Variants in ALPK2 observed in about 807,000 individuals in gnomAD.
ALPK2 encodes the protein alpha-protein kinase 2.
In ALPK2, 127 loss-of-function variants were observed where a neutral mutation model predicts 163.1. That is an observed-to-expected ratio of 0.78 (90% CI 0.67 to 0.90). The LOEUF (loss-of-function observed/expected upper bound fraction) is 0.90, where lower values mean the gene tolerates loss of function less well. Among genes scored for constraint, ALPK2 ranks in the 40% least tolerant of loss-of-function variants. The pLI is 0.00. For synonymous variants in ALPK2, 953 were observed against 959.1 expected (o/e 0.99, Z 0.12); for missense variants, 2,360 against 2,589.6 (o/e 0.91, Z 1.92).
At chr18:58,554,226 T>C (rs2051777212) in intron 4 of ALPK2, among the ~76,000 whole-genome samples, 1 of 152,232 alleles carries the variant, frequency 6.6e-6, no homozygotes, top group Non-Finnish European at 1.5e-5. Flanking sequence ...CTATCGTCTT[T>C]GGGGCTGGAA....
At chr18:58,546,676 A>T (rs974814544) in intron 4 of ALPK2, among the ~76,000 whole-genome samples, 3 of 152,170 alleles carry the variant, frequency 2.0e-5, no homozygotes, top group African/African-American at 4.8e-5. Flanking sequence ...AACTATTCCA[A>T]CACAGGCGGG....
chr18:58,517,580 A>G (rs537703246), intron 8 of ALPK2, among the ~76,000 whole-genome samples: 169 of 152,292 alleles, frequency 1.1e-3, no homozygotes, highest in African/African-American at 3.3e-3. Context: ...CCTTTCTTTC[A>G]TTATTGCCCC....
intron 5 of ALPK2, among the ~76,000 whole-genome samples, chr18:58,532,513 C>T (rs1228608408): frequency 1.3e-5 from 2 of 152,126 alleles, no homozygotes; most frequent in Non-Finnish European, 2.9e-5. Flanking sequence ...ACCTTCTGGC[C>T]GAGGCCCTGA....
intron 12 of ALPK2, among the ~76,000 whole-genome samples, chr18:58,489,701 A>C (rs1161911486): frequency 6.6e-6 from 1 of 152,020 alleles, no homozygotes; most frequent in Non-Finnish European, 1.5e-5. Flanking sequence ...CAGTCATAAT[A>C]ATAATAATAT....
Position 58,536,280 on chromosome 18 carries a change from C to T in ALPK2, c.3907G>A (p.Ala1303Thr). 1 of 1,614,228 alleles carries T rather than the reference C, an allele frequency of 6.2e-7. No homozygotes were observed. Among genetic ancestry groups the T allele is most frequent in the South Asian group, 1.1e-5 (1 of 91,072 alleles). Residue 1303 changes from alanine to threonine, a missense_variant, in exon 5 of 13, where the codon GCT (alanine) becomes ACT (threonine). Coordinates refer to ENST00000361673, the MANE Select transcript of ALPK2 (RefSeq NM_052947.4). ...IAALAHSPEDAESALADSRES... is the reference protein window; with the variant it reads ...IAALAHSPEDTESALADSRES... ...CTGCTATCAGCAAGGGCTGACTCAG[C>T]ATCCTCTGGACTGTGAGCCAATGCT...
intron 10 of ALPK2, among the ~76,000 whole-genome samples, chr18:58,506,004 C>T (rs1469195664): frequency 6.6e-6 from 1 of 152,170 alleles, no homozygotes; most frequent in Non-Finnish European, 1.5e-5. Context: ...TGGAACAGCT[C>T]TTCTCTCTCT....
intron 5 of ALPK2, among the ~76,000 whole-genome samples, chr18:58,533,005 G>A (rs1462680461): frequency 3.3e-5 from 5 of 152,168 alleles, no homozygotes; most frequent in Admixed American, 6.5e-5. Flanking sequence ...TGTTGTGGGT[G>A]GCATGAGTAA....
intron 12 of ALPK2, among the ~76,000 whole-genome samples, chr18:58,485,795 A>AC (rs1332779274): frequency 6.7e-6 from 1 of 149,670 alleles, no homozygotes; most frequent in Non-Finnish European, 1.5e-5. Context: ...CTGGGGGGGG[A>AC]CCCCGGTTGC....
chr18:58,485,782 C>A (rs2144094192), intron 12 of ALPK2, among the ~76,000 whole-genome samples: 1 of 141,154 alleles, frequency 7.1e-6, no homozygotes. Context: ...ATCCCACCTG[C>A]CACTGGGGGG....
chr18:58,508,657 A>C (rs1186801720), intron 10 of ALPK2, among the ~76,000 whole-genome samples: 1 of 152,202 alleles, frequency 6.6e-6, no homozygotes, highest in Non-Finnish European at 1.5e-5. Context: ...TGGTCTAAAA[A>C]GGGGAGCATG....
chr18:58,531,863 G>A (rs1251554093), intron 5 of ALPK2, among the ~76,000 whole-genome samples: 1 of 147,322 alleles, frequency 6.8e-6, no homozygotes, highest in Non-Finnish European at 1.5e-5. Flanking sequence ...GCTTGAACCA[G>A]GAGGTGGAGG....
chr18:58,525,127 T>A (rs533610401), intron 6 of ALPK2, among the ~76,000 whole-genome samples: 7 of 152,322 alleles, frequency 4.6e-5, no homozygotes, highest in Admixed American at 6.5e-5. Context: ...TAGCTTGAGT[T>A]TGTCTCAGTT....
chr18:58,564,846 T>G (rs565291844), intron 4 of ALPK2, among the ~76,000 whole-genome samples: 160 of 152,262 alleles, frequency 1.1e-3, no homozygotes, highest in African/African-American at 3.1e-3. Context: ...TAAAAAAAAT[T>G]TTTTTAAAAG....
intron 3 of ALPK2, among the ~76,000 whole-genome samples, chr18:58,593,923 C>T (rs2052028415): frequency 7.2e-6 from 1 of 137,986 alleles, no homozygotes; most frequent in African/African-American, 2.8e-5. Context: ...AATACCAGTG[C>T]CAGGGCCCAC....
chr18:58,554,011 G>A (rs189787375), intron 4 of ALPK2, among the ~76,000 whole-genome samples: 24 of 151,976 alleles, frequency 1.6e-4, no homozygotes, highest in African/African-American at 4.8e-4. Flanking sequence ...ACAGGTGTGC[G>A]CCACAAAGCC....
At position 58,579,776 on chromosome 18, in the gene ALPK2, C is replaced by G. The variant is rs775291053; in HGVS notation, c.1000G>C (p.Asp334His). The stretch of plus-strand genomic sequence containing the variant: ...GCATTAGAGTAATCCGTCATAACAT[C>G]AGAACATTCCAGATACTCCAGGTCA... ...DDDLEYLECSDVMTDYSNAVW... is the reference protein window; with the variant it reads ...DDDLEYLECSHVMTDYSNAVW... The change falls in exon 4 of 13, where the codon GAT becomes CAT. Residue 334 changes from aspartate (D) to histidine (H), a missense_variant. Asp to His is a moderately conservative substitution (Grantham distance 81). Transcript: ENST00000361673. 5.0e-6 allele frequency: 8 copies of G among 1,614,226 alleles called. No individual in the cohort carries two copies. Among genetic ancestry groups the G allele is most frequent in the Non-Finnish European group, 6.8e-6 (8 of 1,180,046 alleles).
intron 1 of ALPK2, among the ~76,000 whole-genome samples, chr18:58,619,996 A>G (rs1033405116): frequency 6.6e-6 from 1 of 152,266 alleles, no homozygotes; most frequent in South Asian, 2.1e-4. Flanking sequence ...AACAAAGAAC[A>G]AACTATGGAT....
At chr18:58,588,296 G>A (rs182238813) in intron 3 of ALPK2, among the ~76,000 whole-genome samples, 9 of 152,238 alleles carry the variant, frequency 5.9e-5, no homozygotes, top group South Asian at 2.1e-4. Flanking sequence ...CAACTAATAC[G>A]GTTCGGGACC....
chr18:58,524,186 C>G (rs2144133378), intron 6 of ALPK2, 124 bp from the exon 7 acceptor site: 1 of 1,319,836 alleles, frequency 7.6e-7, no homozygotes, highest in South Asian at 1.6e-5. Context: ...GTGAGCTGCC[C>G]AAAGGGCAAA....
Sources: allele counts gnomAD v4.1 joint callset (sites outside exome capture counted in the v4.1 genomes callset), GRCh38; gene constraint gnomAD v4.1.1; transcripts MANE v1.5; gene names NCBI Gene and HGNC (gene_info 2026-07-23, HGNC 2026-07-21).